DZIP1: variants seen among roughly 807,000 people sequenced by gnomAD.
The protein encoded by DZIP1 is DAZ interacting zinc finger protein 1.
Under a neutral mutation model 107.6 loss-of-function variants are expected in DZIP1, and 97 were observed. The observed-to-expected ratio is 0.90, with a 90% CI of 0.77 to 1.07. DZIP1 has a LOEUF of 1.07. Among genes scored for constraint, DZIP1 ranks in the 50% least tolerant of loss-of-function variants. The probability of loss-of-function intolerance (pLI) is 0.00; values close to 1 mark genes in which losing one functional copy is unlikely to be tolerated. For missense variants in DZIP1, 1,035 were observed against 1,063.6 expected, an observed-to-expected ratio of 0.97 and a Z score of 0.37; for synonymous variants, 390 against 386.4, an observed-to-expected ratio of 1.01 and a Z score of -0.11.
At chr13:95,609,668 T>C (rs2044916600) in intron 12 of DZIP1, among the ~76,000 whole-genome samples, 155 bp from the exon 13 acceptor site, 11 of 152,204 alleles carry the variant, frequency 7.2e-5, no homozygotes, top group Admixed American at 7.2e-4. Context: ...GTAACATACA[T>C]CTTTTTGAAG....
chr13:95,612,823 G>T (rs989316312), intron 10 of DZIP1, among the ~76,000 whole-genome samples: 1 of 152,076 alleles, frequency 6.6e-6, no homozygotes. Context: ...GAACTCAGTC[G>T]ATCCACCCGC....
At chr13:95,605,959 G>A in intron 14 of DZIP1, 44 bp downstream of exon 14, 1 of 1,588,754 alleles carries the variant, frequency 6.3e-7, no homozygotes, top group East Asian at 2.2e-5. Flanking sequence ...CCAACTCAGG[G>A]TGGCAACTGC....
Position 95,617,953 on chromosome 13 carries a change from C to T in DZIP1, c.1173+1932G>A, listed in dbSNP as rs182691947. On this transcript the variant is annotated intron_variant, in intron 10 of 22. Transcript: ENST00000376829. ...GAATCAAGATGAGCATCTGGAGGAA[C>T]GAGGGTGCCATTTGCCAAGTCTGGG... 2.8e-4 allele frequency: 146 copies of T among 518,988 alleles called. 2 individuals are homozygous for T. In the East Asian group the frequency reaches 6.2e-3, roughly 22 times the overall value. 32.1% of individuals were successfully genotyped at this position (518,988 alleles called of 1,614,324 possible).
rs189088904 is a variant in DZIP1 at position 95,580,430 on chromosome 13, G to A, written c.*1804C>T. ...TATAGTGACTTAATTTAAATACTGG[G>A]TTTACTTAGCAAAAGTTCATTTCCC... On this transcript the variant is annotated 3_prime_UTR_variant, in exon 23 of 23. Transcript: ENST00000376829. The A allele has an allele frequency of 4.0e-5, 6 of 151,868 alleles. No homozygotes were observed. The highest frequency in any genetic ancestry group is 3.9e-4 in the East Asian group (2 of 5,164). 9.4% of individuals were successfully genotyped at this position (151,868 alleles called of 1,614,324 possible). A position where few individuals can be genotyped will look rare whatever the true frequency, so the allele number is the denominator to read the frequency against.
intron 3 of DZIP1, 147 bp downstream of exon 3, chr13:95,642,896 T>A (rs1357129077): frequency 6.6e-6 from 1 of 152,192 alleles, no homozygotes; most frequent in Non-Finnish European, 1.5e-5. Context: ...TTGATAAAAG[T>A]ACGAACCAAA....
Position 95,582,327 on chromosome 13 carries a change from G to T in DZIP1, c.2525-14C>A. On this transcript the variant is annotated splice_polypyrimidine_tract_variant and intron_variant, in intron 22 of 22. Transcript: ENST00000376829. ...TTTCTTGAAGTCCTGTAAGTGGTGGGTAGAGGCAGAAGAGAAGGCCTCAAT... is the reference window on the plus strand; with the variant it reads ...TTTCTTGAAGTCCTGTAAGTGGTGGTTAGAGGCAGAAGAGAAGGCCTCAAT... 2 of 1,612,548 alleles carry T rather than the reference G, an allele frequency of 1.2e-6. No homozygotes were observed. Among genetic ancestry groups the T allele is most frequent in the Non-Finnish European group, 8.5e-7 (1 of 1,178,612 alleles).
intron 6 of DZIP1, among the ~76,000 whole-genome samples, chr13:95,632,030 A>G (rs954725471): frequency 1.1e-4 from 17 of 152,148 alleles, no homozygotes; most frequent in African/African-American, 4.1e-4. Flanking sequence ...GGTTTCCATG[A>G]CAACACACTC....
intron 14 of DZIP1, among the ~76,000 whole-genome samples, chr13:95,600,593 T>C (rs984457589): frequency 7.7e-6 from 1 of 129,194 alleles, no homozygotes; most frequent in East Asian, 2.4e-4. Flanking sequence ...AGATAGATGA[T>C]AGATAGATAG....
chr13:95,608,000 G>A (rs1408007634), intron 13 of DZIP1, among the ~76,000 whole-genome samples: 3 of 152,128 alleles, frequency 2.0e-5, no homozygotes, highest in Non-Finnish European at 4.4e-5. Flanking sequence ...TTTACTTTCT[G>A]ATCTTAAACT....
intron 16 of DZIP1, among the ~76,000 whole-genome samples, chr13:95,591,050 A>G (rs561044451): frequency 1.4e-5 from 2 of 144,026 alleles, no homozygotes; most frequent in East Asian, 4.0e-4. Flanking sequence ...TTTTCCTGAG[A>G]CAGAGTCTCG....
At chr13:95,587,516 A>T (rs1286450450) in intron 20 of DZIP1, 23 bp downstream of exon 20, 24 of 1,610,944 alleles carry the variant, frequency 1.5e-5, no homozygotes, top group Non-Finnish European at 2.0e-5. Flanking sequence ...GTTTCCAGAG[A>T]GTTTTCCAAG....
At chr13:95,611,276 G>A (rs1190880036) in intron 12 of DZIP1, among the ~76,000 whole-genome samples, 169 bp downstream of exon 12, 2 of 152,122 alleles carry the variant, frequency 1.3e-5, no homozygotes, top group African/African-American at 4.8e-5. Context: ...TCTGGGTTGT[G>A]GTAACAAATC....
At chr13:95,642,296 C>T in intron 3 of DZIP1, 55 bp from the exon 4 acceptor site, 1 of 412,376 alleles carries the variant, frequency 2.4e-6, no homozygotes, top group South Asian at 7.2e-5. Context: ...AGCCGTTCAC[C>T]CGAAGAGGGT....
chr13:95,620,737 G>A (rs1875722160), intron 9 of DZIP1, among the ~76,000 whole-genome samples: 1 of 152,170 alleles, frequency 6.6e-6, no homozygotes, highest in African/African-American at 2.4e-5. Flanking sequence ...CAACCTAAGA[G>A]GCCAAAAGGA....
At chr13:95,624,489 A>G (rs1425168014) in intron 8 of DZIP1, among the ~76,000 whole-genome samples, 2 of 152,216 alleles carry the variant, frequency 1.3e-5, no homozygotes, top group African/African-American at 4.8e-5. Context: ...GTTCAAGGCT[A>G]ACCTAACCAG....
At chr13:95,626,626 CAT>C (rs1229098185) in intron 7 of DZIP1, among the ~76,000 whole-genome samples, 4 of 152,104 alleles carry the variant, frequency 2.6e-5, no homozygotes, top group Non-Finnish European at 5.9e-5. Context: ...AAAAAAATAA[CAT>C]AGAATCCATA....
At chr13:95,622,314 C>T in intron 9 of DZIP1, 29 bp downstream of exon 9, 1 of 1,613,696 alleles carries the variant, frequency 6.2e-7, no homozygotes, top group Non-Finnish European at 8.5e-7. Context: ...GGAAGGCATC[C>T]ACTGCAGCTG....
At position 95,589,814 on chromosome 13, in the gene DZIP1, T is replaced by A; in HGVS notation, c.1962A>T (p.Thr654=). ...IRQKAVSTDR[T]SVPKIKKNVM... ...GCTGAAATACTCACTTTGGAACAGATGTCCTATCAGTAGAAACAGCTTTTT... is the reference window on the plus strand; with the variant it reads ...GCTGAAATACTCACTTTGGAACAGAAGTCCTATCAGTAGAAACAGCTTTTT... The change falls in exon 18 of 23, where the codon ACA becomes ACT. Residue 654 remains threonine (T), a synonymous_variant. Transcript: ENST00000376829. 1 of 1,613,846 alleles carries A rather than the reference T, an allele frequency of 6.2e-7. No individual in the cohort carries two copies. Among genetic ancestry groups the A allele is most frequent in the Non-Finnish European group, 8.5e-7 (1 of 1,179,868 alleles).
intron 14 of DZIP1, 105 bp from the exon 15 acceptor site, chr13:95,599,529 C>G: frequency 9.7e-7 from 1 of 1,027,948 alleles, no homozygotes; most frequent in Non-Finnish European, 1.5e-6. Flanking sequence ...GTATTTTAGT[C>G]ATGCCTGAAT....
Sources: allele counts gnomAD v4.1 joint callset (sites outside exome capture counted in the v4.1 genomes callset), GRCh38; gene constraint gnomAD v4.1.1; transcripts MANE v1.5; gene names NCBI Gene and HGNC (gene_info 2026-07-23, HGNC 2026-07-21).